ARFGEF1: variants seen among roughly 807,000 people sequenced by gnomAD.
ARFGEF1 encodes the protein brefeldin A-inhibited guanine nucleotide-exchange protein 1.
In ARFGEF1, 42 loss-of-function variants were observed where a neutral mutation model predicts 231.0. The observed-to-expected ratio is 0.18, with a 90% CI of 0.14 to 0.24. The LOEUF is 0.24. Ranked by LOEUF, ARFGEF1 falls within the 10% of genes least tolerant of loss-of-function variation. The pLI is 1.00. For synonymous variants in ARFGEF1, 710 were observed against 732.3 expected (o/e 0.97, Z 0.49); for missense variants, 1,345 against 2,192.0 (o/e 0.61, Z 7.72).
At chr8:67,311,519 G>C (rs1437400856) in intron 1 of ARFGEF1, among the ~76,000 whole-genome samples, 1 of 145,942 alleles carries the variant, frequency 6.9e-6, no homozygotes, top group East Asian at 2.1e-4. Context: ...AGGTGGGGGG[G>C]GGTCAGCCCC....
rs1246204573 is a variant in ARFGEF1, at chr8:67,198,049, C to A, written c.*885G>T. 1.0e-5 allele frequency: 10 copies of A among 985,824 alleles called. No individual in the cohort carries two copies. The highest frequency in any genetic ancestry group is 9.6e-6 in the Non-Finnish European group (8 of 829,926). The allele number at this position is 985,824 out of a possible 1,614,324, so 61.1% of individuals were successfully genotyped here. ...AATCTGGATTCATTTTGCAGTGATT[C>A]AAGTTTTGGTCCATAAAGGATCATT... On this transcript the variant is annotated 3_prime_UTR_variant, in exon 39 of 39. Transcript: ENST00000262215.
At chr8:67,195,800 T>C, downstream of ARFGEF1, 1 of 529,906 alleles carries the variant, frequency 1.9e-6, no homozygotes, top group Non-Finnish European at 3.4e-6. Context: ...GTATAGATTA[T>C]TTTTGCACAG....
In ARFGEF1 at chr8:67,226,022, C is replaced by A; in HGVS notation, c.4077+1G>T. 6.3e-7 allele frequency: 1 copy of A among 1,597,828 alleles called. No individual in the cohort carries two copies. The highest frequency in any genetic ancestry group is 8.5e-7 in the Non-Finnish European group (1 of 1,173,496). ...ATTTTGTTTACTAAATGACGCTATA[C>A]CTGAGGTCTATCAGACACATATTTT... On this transcript the variant is annotated splice_donor_variant, in intron 28 of 38. Transcript: ENST00000262215. LOFTEE classifies it high-confidence loss of function.
intron 9 of ARFGEF1, among the ~76,000 whole-genome samples, chr8:67,274,145 T>C (rs1012990415): frequency 1.3e-5 from 2 of 152,130 alleles, no homozygotes; most frequent in Non-Finnish European, 2.9e-5. Context: ...AGTTATACTT[T>C]TGATAGGCAA....
At chr8:67,182,664 T>C (rs912244442) in intron 5 of ARFGEF1, among the ~76,000 whole-genome samples, 1 of 152,238 alleles carries the variant, frequency 6.6e-6, no homozygotes, top group African/African-American at 2.4e-5. Flanking sequence ...GTTTTTTGAA[T>C]AGTAGCAATC....
intron 4 of ARFGEF1, among the ~76,000 whole-genome samples, chr8:67,297,990 G>C (rs1169322819): frequency 6.6e-6 from 1 of 151,954 alleles, no homozygotes; most frequent in Admixed American, 6.6e-5. Context: ...ATTTTTTGTA[G>C]AGACAGGGTC....
intron 5 of ARFGEF1, among the ~76,000 whole-genome samples, chr8:67,187,526 AT>A (rs1161636673): frequency 2.0e-5 from 3 of 152,112 alleles, no homozygotes; most frequent in East Asian, 1.9e-4. Flanking sequence ...TACAAAAAAA[AT>A]ATTTTAAATT....
chr8:67,288,360 A>C (rs1805848876), intron 6 of ARFGEF1, among the ~76,000 whole-genome samples: 1 of 152,238 alleles, frequency 6.6e-6, no homozygotes, highest in African/African-American at 2.4e-5. Context: ...AACTATTTTA[A>C]ATGAAACATT....
At chr8:67,194,489 T>C (rs1837322192), downstream of ARFGEF1, among the ~76,000 whole-genome samples, 1 of 152,198 alleles carries the variant, frequency 6.6e-6, no homozygotes, top group Non-Finnish European at 1.5e-5. Flanking sequence ...TTTCCAGCTA[T>C]AAGGCATTTT....
At chr8:67,295,113 TATAA>T (rs777040417) in intron 5 of ARFGEF1, among the ~76,000 whole-genome samples, 3 of 152,264 alleles carry the variant, frequency 2.0e-5, no homozygotes, top group Non-Finnish European at 2.9e-5. Context: ...TACAGATTGA[TATAA>T]ATAAATAAAT....
intron 7 of ARFGEF1, among the ~76,000 whole-genome samples, chr8:67,281,912 C>T (rs755439073): frequency 4.6e-5 from 7 of 152,006 alleles, no homozygotes; most frequent in Non-Finnish European, 1.0e-4. Context: ...TCCTGAATGA[C>T]GTAAAAGACT....
chr8:67,342,787 C>G (rs1317325685), intron 1 of ARFGEF1, among the ~76,000 whole-genome samples: 1 of 152,194 alleles, frequency 6.6e-6, no homozygotes, highest in East Asian at 1.9e-4. Flanking sequence ...ACCAGCCCCA[C>G]CTCAATTTCC....
chr8:67,191,952 G>C (rs1283254638), intron 5 of ARFGEF1, among the ~76,000 whole-genome samples: 2 of 151,804 alleles, frequency 1.3e-5, no homozygotes, highest in Non-Finnish European at 2.9e-5. Flanking sequence ...GTAAAGTGGT[G>C]TCATGGTGGT....
At chr8:67,276,759 G>C (rs960777792) in intron 8 of ARFGEF1, among the ~76,000 whole-genome samples, 5 of 152,122 alleles carry the variant, frequency 3.3e-5, no homozygotes, top group African/African-American at 1.2e-4. Context: ...TGAAATGCTT[G>C]GGACCAGAAG....
intron 1 of ARFGEF1, among the ~76,000 whole-genome samples, chr8:67,323,169 T>C (rs573302448): frequency 1.3e-5 from 2 of 152,204 alleles, no homozygotes; most frequent in South Asian, 4.2e-4. Context: ...GGAGAATTGC[T>C]TGAATCCAGG....
At chr8:67,253,993 A>T (rs540075089) in intron 17 of ARFGEF1, among the ~76,000 whole-genome samples, 2 of 152,362 alleles carry the variant, frequency 1.3e-5, no homozygotes, top group Admixed American at 1.3e-4. Context: ...CTTAGTTTAG[A>T]AGAACATAAA....
chr8:67,220,553 G>T (rs796372725), intron 29 of ARFGEF1, among the ~76,000 whole-genome samples: 12 of 152,284 alleles, frequency 7.9e-5, no homozygotes, highest in African/African-American at 2.9e-4. Flanking sequence ...GTCCACATTG[G>T]TCTATTTGAT....
intron 19 of ARFGEF1, among the ~76,000 whole-genome samples, chr8:67,245,208 CT>C (rs2128881493): frequency 6.6e-6 from 1 of 150,650 alleles, no homozygotes; most frequent in African/African-American, 2.5e-5. Flanking sequence ...CAGACATGTC[CT>C]GCATGAAATG....
At chr8:67,340,096 CAT>C (rs1481764245) in intron 1 of ARFGEF1, among the ~76,000 whole-genome samples, 2 of 151,898 alleles carry the variant, frequency 1.3e-5, no homozygotes, top group Non-Finnish European at 2.9e-5. Flanking sequence ...TATAATTGGC[CAT>C]ATGTTAAAAG....
Sources: allele counts gnomAD v4.1 joint callset (sites outside exome capture counted in the v4.1 genomes callset), GRCh38; gene constraint gnomAD v4.1.1; transcripts MANE v1.5; gene names NCBI Gene and HGNC (gene_info 2026-07-23, HGNC 2026-07-21).